FBXL3: variants seen among roughly 807,000 people sequenced by gnomAD.
The protein encoded by FBXL3 is F-box and leucine rich repeat protein 3, also known as F-box/LRR-repeat protein 3.
FBXL3 carries 14 observed loss-of-function variants against 37.9 expected under a neutral mutation model. The ratio of observed to expected loss-of-function variants is 0.37; its 90% CI spans 0.24 to 0.58. FBXL3 has a LOEUF of 0.58. FBXL3 is among the 20% of genes least tolerant of loss of function. FBXL3 has a pLI of 0.74. For synonymous variants in FBXL3, 194 were observed against 180.1 expected, an observed-to-expected ratio of 1.08 and a Z score of -0.62; for missense variants, 327 against 511.1, an observed-to-expected ratio of 0.64 and a Z score of 3.47.
intron 4 of FBXL3, among the ~76,000 whole-genome samples, chr13:77,011,229 A>G (rs2034545261): frequency 2.0e-5 from 3 of 151,492 alleles, no homozygotes; most frequent in African/African-American, 7.3e-5. Context: ...AATCCCAGCT[A>G]CTCAGGAGGC....
At chr13:77,008,488 A>G (rs978401510) in intron 4 of FBXL3, 1 of 152,240 alleles carries the variant, frequency 6.6e-6, no homozygotes, top group African/African-American at 2.4e-5. Flanking sequence ...CATGCTTTAT[A>G]ACTTACCAAA....
chr13:77,012,978 T>C (rs1272480573), intron 4 of FBXL3: 1 of 152,338 alleles, frequency 6.6e-6, no homozygotes, highest in East Asian at 1.9e-4. Flanking sequence ...TTTCACCATG[T>C]TGGCCAGGAT....
chr13:77,023,345 A>AGT (rs3037568), intron 1 of FBXL3, among the ~76,000 whole-genome samples: 7,347 of 147,544 alleles, frequency 0.05, 189 homozygotes, highest in South Asian at 0.1. Context: ...AGAGAGAGAG[A>AGT]GTGTGTGTGT....
chr13:77,006,979 C>T lies in FBXL3; in HGVS notation c.*166G>A, dbSNP rs1260067668. 2.1e-6 allele frequency: 3 copies of T among 1,410,106 alleles called. No individual in the cohort carries two copies. In the African/African-American group the frequency reaches 4.3e-5, roughly 20 times the overall value. The allele number at this position is 1,410,106 out of a possible 1,614,324, so 87.3% of individuals were successfully genotyped here. A position where few individuals can be genotyped will look rare whatever the true frequency, so the allele number is the denominator to read the frequency against. ...TAAGGAAACAAGTGGAATTTTCTGA[C>T]CAAAACTCATTCATGGGTCTTCCGA... On this transcript the variant is annotated 3_prime_UTR_variant, in exon 5 of 5. Transcript: ENST00000355619.
intron 2 of FBXL3, 186 bp from the exon 3 acceptor site, chr13:77,018,908 C>A: frequency 2.1e-6 from 1 of 472,034 alleles, no homozygotes; most frequent in Non-Finnish European, 3.4e-6. Flanking sequence ...AATCATCCAC[C>A]CTCCACCCTC....
At chr13:77,025,722 A>T (rs77600937) in intron 1 of FBXL3, among the ~76,000 whole-genome samples, 2,161 of 151,076 alleles carry the variant, frequency 0.014, 29 homozygotes, top group East Asian at 0.051. Context: ...ACTTTGAAAG[A>T]AGCAACTTCA....
chr13:77,022,603 G>T (rs931058278), intron 1 of FBXL3, among the ~76,000 whole-genome samples: 3 of 152,184 alleles, frequency 2.0e-5, no homozygotes, highest in African/African-American at 7.2e-5. Context: ...ATGTGTTACT[G>T]CCAGACATTT....
chr13:77,011,344 C>CAAA (rs34255078), intron 4 of FBXL3, among the ~76,000 whole-genome samples: 39 of 74,958 alleles, frequency 5.2e-4, no homozygotes, highest in East Asian at 3.4e-4. Flanking sequence ...ACTTTGTCTC[C>CAAA]AAAAAAAAAA....
At chr13:77,022,034 G>T (rs2034753857) in intron 1 of FBXL3, among the ~76,000 whole-genome samples, 173 bp from the exon 2 acceptor site, 1 of 152,054 alleles carries the variant, frequency 6.6e-6, no homozygotes, top group Admixed American at 6.5e-5. Flanking sequence ...GCCAATGAAG[G>T]CCAACAATGG....
intron 4 of FBXL3, chr13:77,013,682 TG>T (rs2034593200): frequency 6.6e-6 from 1 of 152,220 alleles, no homozygotes; most frequent in Non-Finnish European, 1.5e-5. Context: ...TTAAAAATTC[TG>T]ATCTCCAAAT....
intron 4 of FBXL3, chr13:77,014,843 T>A (rs1490517933): frequency 1.3e-5 from 2 of 152,146 alleles, no homozygotes; most frequent in African/African-American, 4.8e-5. Flanking sequence ...AACTGAATAA[T>A]GTAGTAATGC....
chr13:77,024,982 CATTT>C (rs1384769590), intron 1 of FBXL3, among the ~76,000 whole-genome samples: 1 of 152,098 alleles, frequency 6.6e-6, no homozygotes, highest in Non-Finnish European at 1.5e-5. Flanking sequence ...AAGTTGATTT[CATTT>C]ATGTATGAAA....
At chr13:77,021,080 A>C (rs1008707637) in intron 2 of FBXL3, among the ~76,000 whole-genome samples, 2 of 152,178 alleles carry the variant, frequency 1.3e-5, no homozygotes, top group African/African-American at 4.8e-5. Flanking sequence ...TTCTACATAA[A>C]GTTTCTATGC....
chr13:77,014,059 G>C (rs778149472), intron 4 of FBXL3: 13 of 152,172 alleles, frequency 8.5e-5, no homozygotes, highest in Non-Finnish European at 1.8e-4. Flanking sequence ...ATCTCAACCA[G>C]AAAGGAGAAG....
intron 3 of FBXL3, chr13:77,017,133 A>T (rs1246330531): frequency 6.6e-6 from 1 of 152,066 alleles, no homozygotes; most frequent in African/African-American, 2.4e-5. Context: ...TCAATCTTCT[A>T]CCAAAGCCAT....
At chr13:77,022,475 T>A (rs1271770790) in intron 1 of FBXL3, among the ~76,000 whole-genome samples, 1 of 152,186 alleles carries the variant, frequency 6.6e-6, no homozygotes, top group Non-Finnish European at 1.5e-5. Flanking sequence ...TTGTGAAATG[T>A]CCACATGAGG....
At chr13:77,011,722 CAAAA>C (rs60267585) in intron 4 of FBXL3, among the ~76,000 whole-genome samples, 1 of 93,280 alleles carries the variant, frequency 1.1e-5, no homozygotes, top group Non-Finnish European at 2.0e-5. Flanking sequence ...GACCCTGTCT[CAAAA>C]AAAAAAAAAA....
rs549596697 is a variant in FBXL3, at chr13:77,005,575, C to T, written c.*1570G>A. 5.2e-5 allele frequency: 8 copies of T among 152,414 alleles called. No individual in the cohort carries two copies. The highest frequency in any genetic ancestry group is 4.1e-4 in the South Asian group (2 of 4,822). 9.4% of individuals were successfully genotyped at this position (152,414 alleles called of 1,614,324 possible). On this transcript the variant is annotated 3_prime_UTR_variant, in exon 5 of 5. Transcript: ENST00000355619. ...TATTACTATAATTGCTGTTAATTTTCGAATCTAGATAAGCCTTTTTTCTTC... is the reference window on the plus strand; with the variant it reads ...TATTACTATAATTGCTGTTAATTTTTGAATCTAGATAAGCCTTTTTTCTTC...
At chr13:77,024,022 C>T (rs1186770420) in intron 1 of FBXL3, among the ~76,000 whole-genome samples, 1 of 152,162 alleles carries the variant, frequency 6.6e-6, no homozygotes, top group Admixed American at 6.5e-5. Flanking sequence ...GTATACCCTA[C>T]TGATCAGGGA....
Sources: allele counts gnomAD v4.1 joint callset (sites outside exome capture counted in the v4.1 genomes callset), GRCh38; gene constraint gnomAD v4.1.1; transcripts MANE v1.5; gene names NCBI Gene and HGNC (gene_info 2026-07-23, HGNC 2026-07-21).